The following CPN1 variants were observed in gnomAD, a reference collection of about 807,000 sequenced individuals.
CPN1 encodes the protein carboxypeptidase N subunit 1, also known as carboxypeptidase N catalytic chain.
Under a neutral mutation model 46.4 loss-of-function variants are expected in CPN1, and 37 were observed. The ratio of observed to expected loss-of-function variants is 0.80; its 90% CI spans 0.61 to 1.05. The LOEUF (loss-of-function observed/expected upper bound fraction) is 1.05. Among genes scored for constraint, CPN1 ranks in the 50% least tolerant of loss-of-function variants. The pLI, the probability that CPN1 is intolerant of heterozygous loss-of-function variation, is 0.00. For synonymous variants in CPN1, 224 were observed against 235.4 expected (o/e 0.95, Z 0.44); for missense variants, 563 against 602.6 (o/e 0.93, Z 0.69).
chr10:100,046,456 A>G (rs918800290), intron 8 of CPN1, among the ~76,000 whole-genome samples: 3 of 152,196 alleles, frequency 2.0e-5, no homozygotes, highest in African/African-American at 4.8e-5. Flanking sequence ...TGGGCTACAC[A>G]GAGAACCCGT....
chr10:100,076,252 T>G, intron 1 of CPN1, 145 bp from the exon 2 acceptor site: 1 of 804,160 alleles, frequency 1.2e-6, no homozygotes, highest in South Asian at 1.5e-5. Context: ...CCTGAGCCCC[T>G]TCCTAACCAA....
intron 7 of CPN1, among the ~76,000 whole-genome samples, chr10:100,052,087 T>C (rs560090223): frequency 6.6e-6 from 1 of 150,944 alleles, no homozygotes; most frequent in African/African-American, 2.4e-5. Context: ...TTTTTTTTTT[T>C]TGAGACAGAG....
chr10:100,063,342 C>A (rs1427634350), intron 5 of CPN1, among the ~76,000 whole-genome samples: 1 of 151,590 alleles, frequency 6.6e-6, no homozygotes, highest in Non-Finnish European at 1.5e-5. Flanking sequence ...AGGATGGTCT[C>A]GATCTCCTGA....
chr10:100,051,134 C>T (rs962103741), intron 7 of CPN1, among the ~76,000 whole-genome samples: 7 of 152,190 alleles, frequency 4.6e-5, no homozygotes, highest in Admixed American at 2.0e-4. Context: ...TGGCTAATGA[C>T]TTTCCATCCC....
intron 6 of CPN1, among the ~76,000 whole-genome samples, chr10:100,056,378 T>C (rs1475758092): frequency 1.3e-5 from 2 of 152,202 alleles, no homozygotes; most frequent in Non-Finnish European, 1.5e-5. Flanking sequence ...TGTTTAAATG[T>C]CACCTCCTCT....
intron 5 of CPN1, among the ~76,000 whole-genome samples, chr10:100,058,924 C>A (rs1428841996): frequency 1.3e-5 from 2 of 152,116 alleles, no homozygotes; most frequent in East Asian, 3.8e-4. Flanking sequence ...ATGCCAAGAC[C>A]ATTCAATGGG....
Position 100,048,840 on chromosome 10 carries a change from C to A in CPN1, c.1148G>T (p.Gly383Val). The A allele has an allele frequency of 6.2e-7, 1 of 1,613,630 alleles. No individual in the cohort carries two copies. Residue 383 changes from glycine to valine, a missense_variant, in exon 8 of 9, where the codon GGT becomes GTT. By Grantham distance (109) the Gly-to-Val change is moderately radical. Coordinates refer to ENST00000370418, the MANE Select transcript of CPN1 (RefSeq NM_001308.3). ...HGDYFRLLLP[G>V]IYTVSATAPG... ...TGCTGTGGCACTAACAGTGTAGATA[C>A]CTGGAAGCAGCAGCCGGAAGTAATC...
At chr10:100,066,471 C>T (rs943523057) in intron 3 of CPN1, among the ~76,000 whole-genome samples, 1 of 152,188 alleles carries the variant, frequency 6.6e-6, no homozygotes, top group Non-Finnish European at 1.5e-5. Flanking sequence ...GTAATATTGA[C>T]ATGTAGAACA....
chr10:100,043,101 A>G (rs951175913), intron 8 of CPN1, among the ~76,000 whole-genome samples: 5 of 150,064 alleles, frequency 3.3e-5, no homozygotes, highest in Non-Finnish European at 5.9e-5. Context: ...CAAAAAAAAA[A>G]AAAAAAAAGA....
At chr10:100,063,434 T>G (rs1420356519) in intron 5 of CPN1, among the ~76,000 whole-genome samples, 180 bp downstream of exon 5, 2 of 152,122 alleles carry the variant, frequency 1.3e-5, no homozygotes, top group Non-Finnish European at 2.9e-5. Flanking sequence ...CCCACCTTAG[T>G]TTTAAAGAAT....
At chr10:100,076,246 A>T (rs75664608) in intron 1 of CPN1, 139 bp from the exon 2 acceptor site, 15,590 of 833,406 alleles carry the variant, frequency 0.019, 312 homozygotes, top group East Asian at 0.063. Flanking sequence ...ATAATCCCTG[A>T]GCCCCTTCCT....
At chr10:100,054,219 T>TC (rs1446398647) in intron 7 of CPN1, 128 bp downstream of exon 7, 18 of 739,548 alleles carry the variant, frequency 2.4e-5, no homozygotes, top group South Asian at 4.3e-5. Flanking sequence ...CTTTCCTCCA[T>TC]CCCCCCCACT....
At chr10:100,053,646 G>T (rs1366111879) in intron 7 of CPN1, among the ~76,000 whole-genome samples, 2 of 151,942 alleles carry the variant, frequency 1.3e-5, no homozygotes, top group Non-Finnish European at 2.9e-5. Context: ...AGAAAAAAAG[G>T]TGGGGATTTA....
At chr10:100,076,196 G>T in intron 1 of CPN1, 89 bp from the exon 2 acceptor site, 2 of 1,255,290 alleles carry the variant, frequency 1.6e-6, no homozygotes, top group Non-Finnish European at 2.3e-6. Context: ...TTTCAGTAAC[G>T]AATGAAAGAA....
At chr10:100,043,525 G>A (rs1324401426) in intron 8 of CPN1, among the ~76,000 whole-genome samples, 1 of 152,082 alleles carries the variant, frequency 6.6e-6, no homozygotes, top group Non-Finnish European at 1.5e-5. Context: ...ATGCTGCCTG[G>A]GTGACTCACA....
chr10:100,069,775 T>G lies in CPN1; in HGVS notation c.515A>C (p.Tyr172Ser). 1 of 1,613,930 alleles carries G rather than the reference T, an allele frequency of 6.2e-7. No homozygotes were observed. Among genetic ancestry groups the G allele is most frequent in the Non-Finnish European group, 8.5e-7 (1 of 1,179,982 alleles). The change falls in exon 3 of 9, where the codon TAT becomes TCT. Residue 172 changes from tyrosine to serine, a missense_variant. Coordinates refer to ENST00000370418, the MANE Select transcript of CPN1 (RefSeq NM_001308.3). ...GTTGGGGCCTCCGTACTTCTCGTTA[T>G]AGTAGATATAGGTATTGAGATCAGG... ...NFPDLNTYIYYNEKYGGPNHH... is the reference protein window; with the variant it reads ...NFPDLNTYIYSNEKYGGPNHH...
At chr10:100,054,255 G>A (rs2041372490) in intron 7 of CPN1, 92 bp downstream of exon 7, 2 of 1,005,524 alleles carry the variant, frequency 2.0e-6, no homozygotes, top group Non-Finnish European at 3.2e-6. Flanking sequence ...ACCCCTGCTG[G>A]TTTCACTAGC....
chr10:100,076,101 G>A lies in CPN1; in HGVS notation c.230C>T (p.Pro77Leu), dbSNP rs892564693. 6.8e-6 allele frequency: 11 copies of A among 1,614,028 alleles called. No homozygotes were observed. The highest frequency in any genetic ancestry group is 1.1e-5 in the South Asian group (1 of 91,082). The change falls in exon 2 of 9, where the codon CCA becomes CTA. Residue 77 changes from proline to leucine, a missense_variant. Transcript: ENST00000370418. The stretch of plus-strand genomic sequence containing the variant: ...CATGTTCCCCACATACTTGACCTCT[G>A]GTTCCACTGCAAGGAAGAGAAAAGA... ...DHPGIHEPLE[P>L]EVKYVGNMHG...
At chr10:100,043,756 C>T (rs1230125467) in intron 8 of CPN1, among the ~76,000 whole-genome samples, 3 of 151,936 alleles carry the variant, frequency 2.0e-5, no homozygotes, top group Admixed American at 6.6e-5. Context: ...CTGCCTCAGC[C>T]TCTCAGCCTC....
Sources: allele counts gnomAD v4.1 joint callset (sites outside exome capture counted in the v4.1 genomes callset), GRCh38; gene constraint gnomAD v4.1.1; transcripts MANE v1.5; gene names NCBI Gene and HGNC (gene_info 2026-07-23, HGNC 2026-07-21).